Variants in CARNMT1 observed in about 807,000 individuals in gnomAD.
CARNMT1 encodes the protein protein-L-histidine N-pros-methyltransferase CARNMT1.
In CARNMT1, 28 loss-of-function variants were observed where a neutral mutation model predicts 49.6. That is an observed-to-expected ratio of 0.56 (90% CI 0.42 to 0.77). The LOEUF (loss-of-function observed/expected upper bound fraction) is 0.77. CARNMT1 is among the 30% of genes least tolerant of loss of function. The pLI is 0.00. For synonymous variants in CARNMT1, 178 were observed against 175.0 expected (o/e 1.02, Z -0.13); for missense variants, 421 against 512.6 (o/e 0.82, Z 1.73).
At chr9:74,998,489 T>G in intron 5 of CARNMT1, 109 bp downstream of exon 5, 1 of 870,802 alleles carries the variant, frequency 1.1e-6, no homozygotes, top group Non-Finnish European at 1.7e-6. Context: ...GACATATGCC[T>G]TATGTTCTAC....
At chr9:75,027,750 G>A (rs1281827489) in intron 1 of CARNMT1, among the ~76,000 whole-genome samples, 1 of 152,246 alleles carries the variant, frequency 6.6e-6, no homozygotes, top group Non-Finnish European at 1.5e-5. Context: ...TACGAGGACG[G>A]AGGCAGGAGA....
At chr9:75,005,031 T>C (rs900511907) in intron 3 of CARNMT1, among the ~76,000 whole-genome samples, 6 of 152,206 alleles carry the variant, frequency 3.9e-5, no homozygotes, top group Non-Finnish European at 8.8e-5. Flanking sequence ...TGAATTCTTA[T>C]ATTTAAATTA....
chr9:75,000,710 T>C (rs1316679119), intron 3 of CARNMT1, among the ~76,000 whole-genome samples: 1 of 152,116 alleles, frequency 6.6e-6, no homozygotes, highest in African/African-American at 2.4e-5. Flanking sequence ...AAAAGAAACT[T>C]CACTACTGTA....
chr9:75,008,190 A>AC (rs1833577062), intron 3 of CARNMT1, among the ~76,000 whole-genome samples: 1 of 151,280 alleles, frequency 6.6e-6, no homozygotes, highest in Non-Finnish European at 1.5e-5. Flanking sequence ...AAAAAAAAAA[A>AC]AAAAAACCCT....
intron 1 of CARNMT1, among the ~76,000 whole-genome samples, chr9:75,017,690 T>C (rs983356591): frequency 6.6e-6 from 1 of 152,220 alleles, no homozygotes; most frequent in African/African-American, 2.4e-5. Context: ...AGTAAACATA[T>C]GCACCAATTA....
At chr9:75,019,933 TA>T (rs1414344709) in intron 1 of CARNMT1, among the ~76,000 whole-genome samples, 2 of 152,212 alleles carry the variant, frequency 1.3e-5, no homozygotes, top group Non-Finnish European at 2.9e-5. Context: ...ACCATCTGGA[TA>T]ACCTCAAGAA....
Position 75,021,372 on chromosome 9 carries a change from TAGTATATATCTACTATATAC to T in CARNMT1, c.231-3944_231-3925del, listed in dbSNP as rs778925336. Among the ~76,000 whole-genome samples, 680 of 146,490 alleles carry T rather than the reference TAGTATATATCTACTATATAC, an allele frequency of 4.6e-3. 1 individual carries two copies. The highest frequency in any genetic ancestry group is 8.5e-3 in the Non-Finnish European group (567 of 67,024). On this transcript the variant is annotated intron_variant, in intron 1 of 7. Transcript: ENST00000376834. Reference sequence around the variant, plus strand: ...ATACATACCATATATATTATATACATAGTATATATCTACTATATACAGTATATATACTATATACATACTAT... The same window carrying T: ...ATACATACCATATATATTATATACATAGTATATATACTATATACATACTAT...
intron 3 of CARNMT1, among the ~76,000 whole-genome samples, chr9:75,014,643 C>T (rs184652470): frequency 6.6e-6 from 1 of 152,186 alleles, no homozygotes; most frequent in Admixed American, 6.5e-5. Context: ...CAGGAGGTCT[C>T]CATATAATTC....
At chr9:75,004,296 A>G (rs985131165) in intron 3 of CARNMT1, among the ~76,000 whole-genome samples, 5 of 152,250 alleles carry the variant, frequency 3.3e-5, no homozygotes, top group Non-Finnish European at 7.3e-5. Flanking sequence ...TTATCTTTTA[A>G]ATCTTTGCAA....
intron 5 of CARNMT1, among the ~76,000 whole-genome samples, chr9:74,997,276 T>C (rs1181642277): frequency 6.6e-6 from 1 of 152,176 alleles, no homozygotes; most frequent in Non-Finnish European, 1.5e-5. Context: ...ACCTAACATC[T>C]TCCATCTCTC....
chr9:75,024,178 T>G (rs1272495418), intron 1 of CARNMT1, among the ~76,000 whole-genome samples: 1 of 152,160 alleles, frequency 6.6e-6, no homozygotes, highest in Non-Finnish European at 1.5e-5. Flanking sequence ...GAAATCCAAA[T>G]AGAAAAAACA....
intron 1 of CARNMT1, among the ~76,000 whole-genome samples, chr9:75,025,287 T>C (rs1822491176): frequency 6.6e-6 from 1 of 152,206 alleles, no homozygotes; most frequent in Non-Finnish European, 1.5e-5. Context: ...CTATATGCAA[T>C]TTACTTGACA....
chr9:75,008,161 G>A (rs1230540270), intron 3 of CARNMT1, among the ~76,000 whole-genome samples: 1 of 78,614 alleles, frequency 1.3e-5, no homozygotes, highest in Non-Finnish European at 2.2e-5. Flanking sequence ...AAAAACAGCT[G>A]ATGAGCTAAA....
chr9:75,027,345 A>G, intron 1 of CARNMT1: 1 of 887,032 alleles, frequency 1.1e-6, no homozygotes, highest in Non-Finnish European at 1.4e-6. Flanking sequence ...AAAAGAACGT[A>G]AAGGCAGCTC....
At chr9:74,989,845 G>A (rs1832962234) in intron 6 of CARNMT1, among the ~76,000 whole-genome samples, 1 of 152,298 alleles carries the variant, frequency 6.6e-6, no homozygotes, top group South Asian at 2.1e-4. Flanking sequence ...GCAAGAGAAA[G>A]CAGAAAATGA....
intron 5 of CARNMT1, among the ~76,000 whole-genome samples, chr9:74,997,029 A>G (rs556452818): frequency 6.6e-6 from 1 of 152,300 alleles, no homozygotes; most frequent in South Asian, 2.1e-4. Context: ...ACAACTTCGA[A>G]TAATTACCAG....
chr9:74,985,776 C>G (rs947148350), intron 6 of CARNMT1, among the ~76,000 whole-genome samples: 3 of 152,150 alleles, frequency 2.0e-5, no homozygotes, highest in African/African-American at 7.2e-5. Flanking sequence ...GACAGCGTTT[C>G]ACCATGTTGG....
At chr9:75,019,166 C>T (rs1765831667) in intron 1 of CARNMT1, among the ~76,000 whole-genome samples, 2 of 152,102 alleles carry the variant, frequency 1.3e-5, no homozygotes, top group Admixed American at 6.6e-5. Context: ...TTTCTCTCTT[C>T]TCCAAGTTCT....
At chr9:75,006,529 A>G (rs892715374) in intron 3 of CARNMT1, among the ~76,000 whole-genome samples, 1 of 152,060 alleles carries the variant, frequency 6.6e-6, no homozygotes, top group African/African-American at 2.4e-5. Flanking sequence ...TAACATAGGA[A>G]GAAATGTAAC....
Sources: allele counts gnomAD v4.1 joint callset (sites outside exome capture counted in the v4.1 genomes callset), GRCh38; gene constraint gnomAD v4.1.1; transcripts MANE v1.5; gene names NCBI Gene and HGNC (gene_info 2026-07-23, HGNC 2026-07-21).